The following EXPH5 variants were observed in gnomAD, a reference collection of about 807,000 sequenced individuals.
The protein encoded by EXPH5 is exophilin 5, also known as exophilin-5.
A neutral mutation model predicts 41.1 loss-of-function variants in EXPH5; 42 were observed. The ratio of observed to expected loss-of-function variants is 1.02; its 90% CI spans 0.80 to 1.32. The LOEUF is 1.32. Ranked by LOEUF, EXPH5 falls within the 40% of genes most tolerant of loss-of-function variation. The pLI is 0.00. For synonymous variants in EXPH5, 798 were observed against 833.5 expected, an observed-to-expected ratio of 0.96 and a Z score of 0.73; for missense variants, 2,298 against 2,314.5, an observed-to-expected ratio of 0.99 and a Z score of 0.15.
chr11:108,596,838 T>C (rs1262175824), upstream of EXPH5, among the ~76,000 whole-genome samples: 5 of 152,214 alleles, frequency 3.3e-5, no homozygotes, highest in East Asian at 9.6e-4. Context: ...CTGGAAACCA[T>C]ACAGAACTGC....
At chr11:108,561,330 T>C (rs2094010791) in intron 1 of EXPH5, among the ~76,000 whole-genome samples, 1 of 150,688 alleles carries the variant, frequency 6.6e-6, no homozygotes, top group Non-Finnish European at 1.5e-5. Context: ...AAAAGAAATC[T>C]GGATATCTGA....
At chr11:108,533,075 T>G (rs1183292106) in intron 3 of EXPH5, among the ~76,000 whole-genome samples, 1 of 152,236 alleles carries the variant, frequency 6.6e-6, no homozygotes, top group Non-Finnish European at 1.5e-5. Context: ...CCTGTACGAC[T>G]TCTGCTCTTC....
the EXPH5 span, among the ~76,000 whole-genome samples, chr11:108,603,619 A>T: frequency 6.6e-6 from 1 of 152,240 alleles, no homozygotes; most frequent in Non-Finnish European, 1.5e-5. Flanking sequence ...TCCACATACA[A>T]GCTCAGTACA....
intron 1 of EXPH5, among the ~76,000 whole-genome samples, chr11:108,586,167 C>T (rs1454557500): frequency 2.0e-5 from 3 of 151,880 alleles, no homozygotes; most frequent in Non-Finnish European, 4.4e-5. Flanking sequence ...TCAACCTGGC[C>T]AACATGGCGA....
rs199964893 is a variant in EXPH5 at position 108,514,360 on chromosome 11, C to G, written c.1147G>C (p.Glu383Gln). Residue 383 changes from glutamate (E) to glutamine (Q), a missense_variant, in exon 6 of 6, where the codon GAG becomes CAG. By Grantham distance (29) the Glu-to-Gln change is conservative (BLOSUM62 2). Coordinates refer to ENST00000265843, the MANE Select transcript of EXPH5 (RefSeq NM_015065.3). ...WNRSDSSRDR[E>Q]NQEEFLRAPS... ...GCCCTCAGGAACTCTTCCTGGTTCT[C>G]CCTGTCTCTAGAGGAATCTGATCTG... 10 of 1,613,602 alleles carry G rather than the reference C, an allele frequency of 6.2e-6. No homozygotes were observed. Among genetic ancestry groups the G allele is most frequent in the Non-Finnish European group, 8.5e-6 (10 of 1,179,830 alleles).
upstream of EXPH5, among the ~76,000 whole-genome samples, chr11:108,594,449 C>T (rs1248817716): frequency 6.6e-6 from 1 of 152,146 alleles, no homozygotes; most frequent in Admixed American, 6.5e-5. Flanking sequence ...AATACACATG[C>T]CATTTAAAAA....
In EXPH5 at chr11:108,507,121, C is replaced by T. The variant is rs2093648526; in HGVS notation, c.*2416G>A. The T allele has an allele frequency of 6.6e-6, 1 of 152,102 alleles. No individual in the cohort carries two copies. The highest frequency in any genetic ancestry group is 2.4e-5 in the African/African-American group (1 of 41,418). The allele number at this position is 152,102 out of a possible 1,614,324, so 9.4% of individuals were successfully genotyped here. ...CCATACAAATTTGCATTGAAAAGTT[C>T]ACAATATTTGATTTTTGAGCTTTCT... On this transcript the variant is annotated 3_prime_UTR_variant, in exon 6 of 6. Coordinates refer to ENST00000265843, the MANE Select transcript of EXPH5 (RefSeq NM_015065.3).
Position 108,512,479 on chromosome 11 carries a change from A to G in EXPH5, c.3028T>C (p.Ser1010Pro). ...ATTGTGTCAAGTTCAGAAACTTTGG[A>G]ATTGCTTTGATTTGCTTCAATGAGG... ...RSLIEANQSN[S>P]KVSELDTIYC... is the part of the protein sequence containing the mutation. Residue 1010 changes from serine to proline, a missense_variant, in exon 6 of 6, where the codon TCC becomes CCC. Physicochemically the swap from Ser to Pro is moderately conservative, Grantham distance 74. Transcript: ENST00000265843. 6.2e-7 allele frequency: 1 copy of G among 1,613,926 alleles called. No individual in the cohort carries two copies. The highest frequency in any genetic ancestry group is 8.5e-7 in the Non-Finnish European group (1 of 1,179,976).
chr11:108,587,755 T>G (rs1046889898), intron 1 of EXPH5, among the ~76,000 whole-genome samples: 6 of 152,176 alleles, frequency 3.9e-5, no homozygotes, highest in South Asian at 2.1e-4. Flanking sequence ...ATTTATTTAT[T>G]TATGTATTTA....
rs1328841427 is a variant in EXPH5, at chr11:108,583,379, A to AG, written c.119+10038_119+10039insC. On this transcript the variant is annotated intron_variant, in intron 1 of 5. Coordinates refer to ENST00000265843, the MANE Select transcript of EXPH5 (RefSeq NM_015065.3). ...AGAGTGAGATTCTGTCTCAAAAAAA[A>AG]AAATAAAAAAAAAAATAAATAAGTA... Among the ~76,000 whole-genome samples the AG allele has an allele frequency of 2.2e-3, 334 of 151,974 alleles. 1 individual carries two copies. Among genetic ancestry groups the AG allele is most frequent in the African/African-American group, 7.7e-3 (321 of 41,526 alleles).
intron 1 of EXPH5, among the ~76,000 whole-genome samples, chr11:108,586,266 A>G (rs2136121663): frequency 1.3e-5 from 2 of 152,178 alleles, no homozygotes; most frequent in East Asian, 3.8e-4. Context: ...AATTATTTAT[A>G]CATACGACAA....
chr11:108,571,454 C>G (rs1000968293), intron 1 of EXPH5, among the ~76,000 whole-genome samples: 6 of 152,158 alleles, frequency 3.9e-5, no homozygotes, highest in African/African-American at 1.2e-4. Flanking sequence ...ATGCACTCCC[C>G]ATGGAGAAGG....
At chr11:108,561,419 A>G (rs1221601562) in intron 1 of EXPH5, among the ~76,000 whole-genome samples, 1 of 152,252 alleles carries the variant, frequency 6.6e-6, no homozygotes, top group East Asian at 1.9e-4. Flanking sequence ...CAACACCCAA[A>G]AATAGCACTC....
In EXPH5 at chr11:108,507,103, A is replaced by T. The variant is rs2093648398; in HGVS notation, c.*2434T>A. On this transcript the variant is annotated 3_prime_UTR_variant, in exon 6 of 6. Coordinates refer to ENST00000265843, the MANE Select transcript of EXPH5 (RefSeq NM_015065.3). ...AGTGTTATTTATTCTTTACCATACA[A>T]ATTTGCATTGAAAAGTTCACAATAT... 6.6e-6 allele frequency: 1 copy of T among 152,202 alleles called. No individual in the cohort carries two copies. The highest frequency in any genetic ancestry group is 2.1e-4 in the South Asian group (1 of 4,832). 9.4% of individuals were successfully genotyped at this position (152,202 alleles called of 1,614,324 possible).
chr11:108,582,871 A>G (rs934460996), intron 1 of EXPH5, among the ~76,000 whole-genome samples: 14 of 152,096 alleles, frequency 9.2e-5, no homozygotes, highest in Non-Finnish European at 4.4e-5. Context: ...TTTGTGTCCA[A>G]ATTTTCCACT....
intron 3 of EXPH5, among the ~76,000 whole-genome samples, chr11:108,533,463 A>G (rs1332250374): frequency 2.0e-5 from 3 of 152,186 alleles, no homozygotes; most frequent in Admixed American, 2.0e-4. Flanking sequence ...TCGGCTTCCC[A>G]AAGTGCTGGG....
At position 108,513,193 on chromosome 11, in the gene EXPH5, C is replaced by T; in HGVS notation, c.2314G>A (p.Val772Ile). 6.2e-7 allele frequency: 1 copy of T among 1,614,042 alleles called. No individual in the cohort carries two copies. Among genetic ancestry groups the T allele is most frequent in the East Asian group, 2.2e-5 (1 of 44,874 alleles). ...TTGGAGGTATCTTTCCTGGAAAAGA[C>T]TCTGGGTGACTTTTTTGAACTTATT... ...TIISSKKSPR[V>I]FSRKDTSKMY... Residue 772 changes from valine (V) to isoleucine (I), a missense_variant, in exon 6 of 6, where the codon GTC becomes ATC. Coordinates refer to ENST00000265843, the MANE Select transcript of EXPH5 (RefSeq NM_015065.3).
chr11:108,542,326 G>A (rs2093917323), intron 1 of EXPH5, among the ~76,000 whole-genome samples: 1 of 137,430 alleles, frequency 7.3e-6, no homozygotes, highest in South Asian at 2.3e-4. Flanking sequence ...ATGTATTTTA[G>A]GTGTATTCTT....
rs1428070552 is a variant in EXPH5 at position 108,506,797 on chromosome 11, CCTGGCCAA to C, written c.*2732_*2739del. The C allele has an allele frequency of 2.6e-5, 4 of 152,112 alleles. No individual in the cohort carries two copies. Among genetic ancestry groups the C allele is most frequent in the Non-Finnish European group, 5.9e-5 (4 of 68,042 alleles). 9.4% of individuals were successfully genotyped at this position (152,112 alleles called of 1,614,324 possible). A position where few individuals can be genotyped will look rare whatever the true frequency, so the allele number is the denominator to read the frequency against. On this transcript the variant is annotated 3_prime_UTR_variant, in exon 6 of 6. Transcript: ENST00000265843. The stretch of plus-strand genomic sequence containing the variant: ...CCTGAGGTCAGGAGTTCGAAACCAG[CCTGGCCAA>C]CATGGCGAAACCCCGTCTCTGCTAA...
Sources: allele counts gnomAD v4.1 joint callset (sites outside exome capture counted in the v4.1 genomes callset), GRCh38; gene constraint gnomAD v4.1.1; transcripts MANE v1.5; gene names NCBI Gene and HGNC (gene_info 2026-07-23, HGNC 2026-07-21).